MAGI3: variants seen among roughly 807,000 people sequenced by gnomAD.
MAGI3 encodes the protein membrane-associated guanylate kinase, WW and PDZ domain-containing protein 3.
MAGI3 carries 43 observed loss-of-function variants against 121.8 expected under a neutral mutation model. The ratio of observed to expected loss-of-function variants is 0.35; its 90% CI spans 0.28 to 0.46. The LOEUF (loss-of-function observed/expected upper bound fraction) is 0.46, where lower values mean the gene tolerates loss of function less well. MAGI3 is among the 20% of genes least tolerant of loss of function. The probability of loss-of-function intolerance (pLI) is 1.00; values close to 1 mark genes in which losing one functional copy is unlikely to be tolerated. For missense variants in MAGI3, 1,547 were observed against 1,797.3 expected (o/e 0.86, Z 2.52); for synonymous variants, 553 against 639.3 (o/e 0.86, Z 2.04).
intron 1 of MAGI3, among the ~76,000 whole-genome samples, chr1:113,444,056 A>G (rs184333704): frequency 9.0e-4 from 137 of 152,340 alleles, no homozygotes; most frequent in Non-Finnish European, 1.7e-3. Flanking sequence ...GAAGGCTTTC[A>G]CTTTCCAGGG....
chr1:113,436,200 A>G (rs941546093), intron 1 of MAGI3, among the ~76,000 whole-genome samples: 6 of 152,140 alleles, frequency 3.9e-5, no homozygotes, highest in African/African-American at 1.2e-4. Context: ...CTGAATAACA[A>G]TCATTCTCCC....
chr1:113,437,864 C>CCT lies in MAGI3; in HGVS notation c.316+46515_316+46516insCT, dbSNP rs1557757097. Among the ~76,000 whole-genome samples the CCT allele has an allele frequency of 1.5e-3, 82 of 55,966 alleles. 1 individual carries two copies. Among genetic ancestry groups the CCT allele is most frequent in the East Asian group, 7.0e-3 (10 of 1,422 alleles). The allele number at this position is 55,966 out of a possible 152,430, so 36.7% of individuals were successfully genotyped here. A position where few individuals can be genotyped will look rare whatever the true frequency, so the allele number is the denominator to read the frequency against. ...CTTCTTCTTCTTCTTCTTCTTCTTC[C>CCT]TCTTCTTCTTCTTCTCCTTCTCCTT... is the stretch of plus-strand genomic sequence containing the variant. On this transcript the variant is annotated intron_variant, in intron 1 of 20. Transcript: ENST00000307546.
chr1:113,507,336 A>G (rs1444378684), intron 1 of MAGI3, among the ~76,000 whole-genome samples: 1 of 152,142 alleles, frequency 6.6e-6, no homozygotes, highest in Non-Finnish European at 1.5e-5. Context: ...ATTTTATAGT[A>G]TCCTCTCTAC....
intron 2 of MAGI3, among the ~76,000 whole-genome samples, chr1:113,557,082 G>T (rs1279179026): frequency 2.0e-5 from 3 of 152,170 alleles, no homozygotes; most frequent in Non-Finnish European, 4.4e-5. Context: ...CTGCTGTTTG[G>T]TCGACTCAGC....
At chr1:113,673,244 C>A in intron 18 of MAGI3, 78 bp from the exon 19 acceptor site, 1 of 1,466,386 alleles carries the variant, frequency 6.8e-7, no homozygotes, top group Non-Finnish European at 9.3e-7. Flanking sequence ...TTTCTTCCAG[C>A]TATAGAAGTA....
At chr1:113,652,608 G>A (rs1196017130) in intron 14 of MAGI3, among the ~76,000 whole-genome samples, 1 of 151,592 alleles carries the variant, frequency 6.6e-6, no homozygotes, top group Non-Finnish European at 1.5e-5. Flanking sequence ...TTTCATAGTA[G>A]TTTGGTATTA....
chr1:113,611,593 A>G (rs1165774420), intron 6 of MAGI3, among the ~76,000 whole-genome samples: 1 of 152,098 alleles, frequency 6.6e-6, no homozygotes, highest in Admixed American at 6.5e-5. Context: ...GTTCTTATGC[A>G]GTCTATTAGT....
intron 1 of MAGI3, among the ~76,000 whole-genome samples, chr1:113,529,894 A>G (rs1309822695): frequency 1.3e-5 from 2 of 152,154 alleles, no homozygotes; most frequent in African/African-American, 4.8e-5. Context: ...TTATTAAAAT[A>G]TTTTCACCAG....
At chr1:113,587,445 C>T (rs1021835340) in intron 4 of MAGI3, among the ~76,000 whole-genome samples, 3 of 152,192 alleles carry the variant, frequency 2.0e-5, no homozygotes, top group Admixed American at 1.3e-4. Context: ...ATCCGCCTGC[C>T]TTGACCTCCC....
chr1:113,474,638 C>A (rs1028393921), intron 1 of MAGI3, among the ~76,000 whole-genome samples: 10 of 151,926 alleles, frequency 6.6e-5, no homozygotes, highest in East Asian at 3.9e-4. Context: ...TGTTTTGGTA[C>A]CAGTACCATG....
At chr1:113,522,719 A>G (rs1382492269) in intron 1 of MAGI3, among the ~76,000 whole-genome samples, 1 of 152,226 alleles carries the variant, frequency 6.6e-6, no homozygotes, top group East Asian at 1.9e-4. Context: ...AAGTATCCAC[A>G]TACCCTTTGC....
chr1:113,577,850 T>G (rs886710689), intron 2 of MAGI3, among the ~76,000 whole-genome samples: 16 of 152,188 alleles, frequency 1.1e-4, no homozygotes, highest in African/African-American at 3.4e-4. Flanking sequence ...CTCCTGCCCT[T>G]TCGATCAGTG....
intron 1 of MAGI3, among the ~76,000 whole-genome samples, chr1:113,408,302 T>A (rs1321546570): frequency 6.6e-6 from 1 of 152,176 alleles, no homozygotes; most frequent in African/African-American, 2.4e-5. Context: ...TGTTAAAATT[T>A]TATGCATATG....
At chr1:113,531,875 C>G (rs1276898255) in intron 1 of MAGI3, among the ~76,000 whole-genome samples, 3 of 152,108 alleles carry the variant, frequency 2.0e-5, no homozygotes, top group Non-Finnish European at 4.4e-5. Context: ...ATGTATGAGC[C>G]TAGGAAACTG....
chr1:113,586,677 C>T (rs1392339768), intron 4 of MAGI3, among the ~76,000 whole-genome samples: 1 of 152,148 alleles, frequency 6.6e-6, no homozygotes, highest in Non-Finnish European at 1.5e-5. Flanking sequence ...TTGATATCAG[C>T]TTTGCTATCC....
chr1:113,521,414 T>G (rs1421385725), intron 1 of MAGI3, among the ~76,000 whole-genome samples: 1 of 83,550 alleles, frequency 1.2e-5, no homozygotes, highest in Non-Finnish European at 2.6e-5. Context: ...TTGTTTTTTG[T>G]TTTTTGTTTT....
At chr1:113,471,554 A>AT (rs1017782065) in intron 1 of MAGI3, among the ~76,000 whole-genome samples, 10 of 152,064 alleles carry the variant, frequency 6.6e-5, no homozygotes, top group East Asian at 1.9e-4. Context: ...TACAGTTACC[A>AT]TTTTTTTTAA....
At chr1:113,562,705 A>G (rs1420251291) in intron 2 of MAGI3, among the ~76,000 whole-genome samples, 1 of 152,194 alleles carries the variant, frequency 6.6e-6, no homozygotes, top group African/African-American at 2.4e-5. Context: ...GGTGGGAGGA[A>G]GGACAGCATC....
chr1:113,479,266 C>G (rs1041535887), intron 1 of MAGI3, among the ~76,000 whole-genome samples: 2 of 152,178 alleles, frequency 1.3e-5, no homozygotes, highest in African/African-American at 4.8e-5. Context: ...CATTGTTCCA[C>G]CAGTCCCAAT....
Sources: gnomAD v4.1 joint callset for allele counts (sites outside exome capture counted in the v4.1 genomes callset) on GRCh38, gnomAD v4.1.1 for gene constraint, MANE v1.5 for transcripts, NCBI Gene and HGNC (gene_info 2026-07-23, HGNC 2026-07-21) for gene names.